The following WWOX variants were observed in gnomAD, a reference collection of about 807,000 sequenced individuals.
WWOX encodes the protein WW domain-containing oxidoreductase.
WWOX carries 69 observed loss-of-function variants against 46.2 expected under a neutral mutation model. The observed-to-expected ratio is 1.49, with a 90% confidence interval of 1.23 to 1.82. The LOEUF (loss-of-function observed/expected upper bound fraction) is 1.82, where lower values mean the gene tolerates loss of function less well. Ranked by LOEUF, WWOX falls within the 40% of genes most tolerant of loss-of-function variation. The pLI is 0.00. For missense variants in WWOX, 919 were observed against 542.6 expected (o/e 1.69, Z -6.89); for synonymous variants, 359 against 202.6 (o/e 1.77, Z -6.56).
chr16:78,587,288 C>T (rs1196535899), intron 8 of WWOX, among the ~76,000 whole-genome samples: 1 of 150,716 alleles, frequency 6.6e-6, no homozygotes, highest in Non-Finnish European at 1.5e-5. Flanking sequence ...CCATCTTGGC[C>T]TCCCACAGTA....
chr16:79,208,251 C>T (rs1168972905), intron 8 of WWOX, among the ~76,000 whole-genome samples: 1 of 152,150 alleles, frequency 6.6e-6, no homozygotes, highest in East Asian at 1.9e-4. Context: ...TTCTGGGCTT[C>T]CCAGAAATTC....
chr16:79,189,658 G>A (rs1452116316), intron 8 of WWOX, among the ~76,000 whole-genome samples: 1 of 151,976 alleles, frequency 6.6e-6, no homozygotes, highest in Non-Finnish European at 1.5e-5. Flanking sequence ...CTAATCTAAG[G>A]GGTTTGAGGT....
At chr16:78,661,802 C>T (rs543532460) in intron 8 of WWOX, among the ~76,000 whole-genome samples, 2 of 152,152 alleles carry the variant, frequency 1.3e-5, no homozygotes. Flanking sequence ...TTTGAGAGGC[C>T]GAGGCCGGTG....
intron 8 of WWOX, among the ~76,000 whole-genome samples, chr16:78,901,568 G>T (rs543572547): frequency 3.3e-5 from 5 of 152,222 alleles, no homozygotes; most frequent in African/African-American, 1.2e-4. Flanking sequence ...GTTCACTGCA[G>T]CCTGTGCTTC....
At chr16:78,617,214 C>G (rs746883507) in intron 8 of WWOX, among the ~76,000 whole-genome samples, 40 of 152,068 alleles carry the variant, frequency 2.6e-4, no homozygotes, top group Admixed American at 1.3e-4. Flanking sequence ...GAGTTGAAGA[C>G]CAGCCTGGGC....
rs1197462916 is a variant in WWOX, at chr16:79,211,767, C to G, written c.1216C>G (p.Gln406Glu). 1.2e-6 allele frequency: 2 copies of G among 1,614,148 alleles called. No homozygotes were observed. Among genetic ancestry groups the G allele is most frequent in the Non-Finnish European group, 1.7e-6 (2 of 1,180,000 alleles). Residue 406 changes from glutamine (Q) to glutamate (E), a missense_variant, in exon 9 of 9, where the codon CAA becomes GAA. Physicochemically the swap from Gln to Glu is conservative, Grantham distance 29 (BLOSUM62 2). Transcript: ENST00000566780. Reference protein sequence around the residue: ...TLWALSERLIQERLGSQSG With the variant: ...TLWALSERLIEERLGSQSG Reference sequence around the variant, plus strand: ...GTGGGCGCTCAGCGAGAGGCTGATCCAAGAACGGCTTGGCAGCCAGTCCGG... The same window carrying G: ...GTGGGCGCTCAGCGAGAGGCTGATCGAAGAACGGCTTGGCAGCCAGTCCGG...
chr16:78,727,500 T>A (rs2048864674), intron 8 of WWOX, among the ~76,000 whole-genome samples: 1 of 152,048 alleles, frequency 6.6e-6, no homozygotes, highest in South Asian at 2.1e-4. Flanking sequence ...TCCTAGCCCA[T>A]AGCGAGTCCC....
intron 8 of WWOX, among the ~76,000 whole-genome samples, chr16:78,523,700 G>A (rs9930467): frequency 0.26 from 38,951 of 152,094 alleles, 6,335 homozygotes; most frequent in African/African-American, 0.45. Context: ...GCACATCACA[G>A]TCATGCTTCC....
intron 8 of WWOX, among the ~76,000 whole-genome samples, chr16:78,631,887 C>G (rs970371686): frequency 1.3e-5 from 2 of 152,176 alleles, no homozygotes; most frequent in Non-Finnish European, 1.5e-5. Flanking sequence ...ATTGGCACTT[C>G]TGTCTTACAT....
intron 4 of WWOX, among the ~76,000 whole-genome samples, chr16:78,133,818 A>G (rs938089525): frequency 6.6e-5 from 10 of 152,238 alleles, no homozygotes; most frequent in African/African-American, 2.2e-4. Context: ...TGGGGAAGCT[A>G]GCTCACAAAA....
At chr16:78,409,017 C>G (rs1044809030) in intron 6 of WWOX, among the ~76,000 whole-genome samples, 1 of 152,194 alleles carries the variant, frequency 6.6e-6, no homozygotes, top group African/African-American at 2.4e-5. Context: ...CCTCTGATTT[C>G]TTAATGCCAC....
chr16:78,158,252 A>G (rs372216784), intron 4 of WWOX, among the ~76,000 whole-genome samples: 3 of 152,206 alleles, frequency 2.0e-5, no homozygotes. Flanking sequence ...TTTTGCGTGC[A>G]TATTAACATT....
intron 4 of WWOX, among the ~76,000 whole-genome samples, chr16:78,156,736 C>T (rs1357098716): frequency 6.6e-6 from 1 of 152,088 alleles, no homozygotes; most frequent in Non-Finnish European, 1.5e-5. Context: ...GCAGCCTGGC[C>T]AACATGGTGA....
chr16:78,459,955 C>T (rs565754537), intron 8 of WWOX, among the ~76,000 whole-genome samples: 1 of 151,774 alleles, frequency 6.6e-6, no homozygotes, highest in Non-Finnish European at 1.5e-5. Flanking sequence ...CAGGCACACG[C>T]CAGCACACCC....
intron 4 of WWOX, among the ~76,000 whole-genome samples, chr16:78,134,473 T>A (rs2033720438): frequency 1.3e-5 from 2 of 152,190 alleles, no homozygotes; most frequent in African/African-American, 4.8e-5. Flanking sequence ...TTATGACAAT[T>A]GGTATGAAAT....
At chr16:78,357,622 G>C (rs71396175) in intron 5 of WWOX, among the ~76,000 whole-genome samples, 4,300 of 152,248 alleles carry the variant, frequency 0.028, 89 homozygotes, top group Non-Finnish European at 0.037. Context: ...TATCATTAAT[G>C]TTCAACACAG....
intron 8 of WWOX, among the ~76,000 whole-genome samples, chr16:79,110,295 C>A (rs1378171641): frequency 3.3e-5 from 5 of 152,122 alleles, no homozygotes; most frequent in Non-Finnish European, 7.4e-5. Flanking sequence ...TCCCCGCCAC[C>A]TCTTCTCCTC....
At chr16:78,388,894 G>A (rs1057479052) in intron 6 of WWOX, among the ~76,000 whole-genome samples, 10 of 151,876 alleles carry the variant, frequency 6.6e-5, no homozygotes, top group Admixed American at 1.3e-4. Context: ...GCTTGAACCC[G>A]GGAGGTGGAG....
intron 5 of WWOX, among the ~76,000 whole-genome samples, chr16:78,315,622 C>G (rs1041396351): frequency 6.6e-6 from 1 of 151,994 alleles, no homozygotes; most frequent in Non-Finnish European, 1.5e-5. Context: ...TGTACTCCAG[C>G]CTGGGTGACA....
Sources: allele counts gnomAD v4.1 joint callset (sites outside exome capture counted in the v4.1 genomes callset), GRCh38; gene constraint gnomAD v4.1.1; transcripts MANE v1.5; gene names NCBI Gene and HGNC (gene_info 2026-07-23, HGNC 2026-07-21).